The following FLI1 variants were observed in gnomAD, a reference collection of about 807,000 sequenced individuals.
FLI1 encodes the protein Friend leukemia integration 1 transcription factor.
A neutral mutation model predicts 53.1 loss-of-function variants in FLI1; 13 were observed. The observed-to-expected ratio is 0.24, with a 90% CI of 0.16 to 0.39. FLI1 has a LOEUF of 0.39. FLI1 is among the 10% of genes least tolerant of loss of function. FLI1 has a pLI of 1.00. For missense variants in FLI1, 424 were observed against 600.5 expected (o/e 0.71, Z 3.07); for synonymous variants, 244 against 236.7 (o/e 1.03, Z -0.28).
intron 1 of FLI1, among the ~76,000 whole-genome samples, chr11:128,741,629 T>A (rs1940143498): frequency 6.6e-6 from 1 of 152,204 alleles, no homozygotes; most frequent in South Asian, 2.1e-4. Flanking sequence ...TGCTGTGTGA[T>A]CTGCAGAGGA....
intron 1 of FLI1, among the ~76,000 whole-genome samples, chr11:128,714,849 C>T (rs567409551): frequency 0.012 from 1,876 of 151,720 alleles, 40 homozygotes; most frequent in African/African-American, 0.043. Flanking sequence ...GCTTGGACTA[C>T]AGGCACGCAC....
At chr11:128,762,232 A>C (rs1941149088) in intron 2 of FLI1, among the ~76,000 whole-genome samples, 1 of 152,242 alleles carries the variant, frequency 6.6e-6, no homozygotes, top group Non-Finnish European at 1.5e-5. Flanking sequence ...TGATAATGAC[A>C]GTTCGTTACT....
rs1166176445 is a variant in FLI1, at chr11:128,705,359, A to G, written c.18+11083A>G. On this transcript the variant is annotated intron_variant, in intron 1 of 8. Transcript: ENST00000527786. Reference sequence around the variant, plus strand: ...GGTTCTCTTTTTACATAATGATCCAATGAGTTGATTTTTAAATGTTTTATA... The same window carrying G: ...GGTTCTCTTTTTACATAATGATCCAGTGAGTTGATTTTTAAATGTTTTATA... 2.0e-5 allele frequency among the ~76,000 whole-genome samples: 3 copies of G among 152,250 alleles called. No homozygotes were observed. In the East Asian group the frequency reaches 5.8e-4, roughly 29 times the overall value.
chr11:128,795,364 C>A (rs1193996483), intron 5 of FLI1, among the ~76,000 whole-genome samples: 4 of 152,102 alleles, frequency 2.6e-5, no homozygotes, highest in Non-Finnish European at 5.9e-5. Context: ...TTTCTCCTGG[C>A]TCTTTTCTTC....
In FLI1 at chr11:128,812,768, C is replaced by G. The variant is rs1280606431; in HGVS notation, c.*1780C>G. The G allele has an allele frequency of 4.6e-6, 1 of 215,334 alleles. No homozygotes were observed. Among genetic ancestry groups the G allele is most frequent in the East Asian group, 6.9e-5 (1 of 14,452 alleles). 13.3% of individuals were successfully genotyped at this position (215,334 alleles called of 1,614,324 possible). A position where few individuals can be genotyped will look rare whatever the true frequency, so the allele number is the denominator to read the frequency against. ...GGGCACTTCAGACCCAGACGGCCACCTTCTGCCACTCCAGCAAAGAATAAG... is the reference window on the plus strand; with the variant it reads ...GGGCACTTCAGACCCAGACGGCCACGTTCTGCCACTCCAGCAAAGAATAAG... On this transcript the variant is annotated 3_prime_UTR_variant, in exon 9 of 9. Transcript: ENST00000527786.
intron 1 of FLI1, among the ~76,000 whole-genome samples, chr11:128,749,779 A>G (rs1206589576): frequency 6.6e-6 from 1 of 152,234 alleles, no homozygotes; most frequent in African/African-American, 2.4e-5. Flanking sequence ...ACTTTCCATA[A>G]AATTTACCTC....
intron 5 of FLI1, among the ~76,000 whole-genome samples, chr11:128,799,043 A>ATTTTTTTTTTT (rs1186555006): frequency 1.6e-5 from 2 of 128,670 alleles, no homozygotes; most frequent in African/African-American, 5.9e-5. Flanking sequence ...TATTATTATT[A>ATTTTTTTTTTT]TTATTATTAT....
chr11:128,715,204 A>C (rs1193896762), intron 1 of FLI1, among the ~76,000 whole-genome samples: 2 of 152,218 alleles, frequency 1.3e-5, no homozygotes, highest in Non-Finnish European at 2.9e-5. Context: ...TTTCAGAATA[A>C]GAGCTCAGGG....
chr11:128,780,572 G>T (rs1276569425), intron 4 of FLI1, among the ~76,000 whole-genome samples: 1 of 152,014 alleles, frequency 6.6e-6, no homozygotes, highest in African/African-American at 2.4e-5. Context: ...TCCAGCCTGG[G>T]CAACAAGAGC....
intron 1 of FLI1, among the ~76,000 whole-genome samples, chr11:128,748,710 C>T (rs571092045): frequency 9.2e-5 from 14 of 152,016 alleles, no homozygotes; most frequent in Middle Eastern, 3.4e-3. Context: ...CTGTGTGCTA[C>T]GGCCTAAAAT....
At chr11:128,749,864 G>C (rs1187319010) in intron 1 of FLI1, among the ~76,000 whole-genome samples, 4 of 152,294 alleles carry the variant, frequency 2.6e-5, no homozygotes, top group Admixed American at 2.0e-4. Flanking sequence ...AGAGAGGAGA[G>C]AGAAGCAAAA....
At chr11:128,711,222 G>A (rs946420577) in intron 1 of FLI1, among the ~76,000 whole-genome samples, 3 of 152,154 alleles carry the variant, frequency 2.0e-5, no homozygotes, top group Non-Finnish European at 4.4e-5. Context: ...ACCATAGTGG[G>A]CAGTACAAGA....
rs750968869 is a variant in FLI1 at position 128,758,304 on chromosome 11, T to C, written c.208T>C (p.Tyr70His). Residue 70 changes from tyrosine (Y) to histidine (H), a missense_variant, in exon 2 of 9, where the codon TAT becomes CAT. Around this residue, in one of 5 missense-constraint regions of FLI1, gnomAD observed 137 missense variants for 169.1 expected, o/e 0.81. Transcript: ENST00000527786. ...QPVRVNVKRE[Y>H]DHMNGSRESP... ...AGTGAGGGTCAACGTCAAGCGGGAG[T>C]ATGACCACATGAATGGATCCAGGTA... 6.2e-7 allele frequency: 1 copy of C among 1,612,974 alleles called. No individual in the cohort carries two copies. The highest frequency in any genetic ancestry group is 1.1e-5 in the South Asian group (1 of 90,840).
rs1231534313 is a variant in FLI1, at chr11:128,737,926, G to A, written c.19-20189G>A. On this transcript the variant is annotated intron_variant, in intron 1 of 8. Transcript: ENST00000527786. ...TGTGGAAATAGCCTGTTATCTCTAT[G>A]GACTTAAATGGTCATCAGCAGTTCC... Among the ~76,000 whole-genome samples the A allele has an allele frequency of 1.1e-4, 17 of 152,196 alleles. No individual in the cohort carries two copies. In the East Asian group the frequency reaches 3.1e-3, roughly 28 times the overall value.
intron 1 of FLI1, among the ~76,000 whole-genome samples, chr11:128,739,730 G>GA (rs148798146): frequency 0.015 from 2,248 of 150,136 alleles, 59 homozygotes; most frequent in African/African-American, 0.052. Context: ...ATTTTACTTC[G>GA]AAAAAAAAAT....
intron 5 of FLI1, among the ~76,000 whole-genome samples, chr11:128,796,953 G>T (rs890158597): frequency 6.6e-6 from 1 of 152,144 alleles, no homozygotes; most frequent in Non-Finnish European, 1.5e-5. Flanking sequence ...CCAGCCTGGG[G>T]GACAAGAGCA....
chr11:128,702,388 A>T (rs187632040), intron 1 of FLI1, among the ~76,000 whole-genome samples: 16 of 152,362 alleles, frequency 1.1e-4, no homozygotes, highest in African/African-American at 3.6e-4. Context: ...TTTGTGGCTT[A>T]TAATCATAAG....
Position 128,782,022 on chromosome 11 carries a change from AGGT to A in FLI1, c.655_655+2del. 1 of 1,613,328 alleles carries A rather than the reference AGGT, an allele frequency of 6.2e-7. No individual in the cohort carries two copies. Among genetic ancestry groups the A allele is most frequent in the Non-Finnish European group, 8.5e-7 (1 of 1,179,284 alleles). On this transcript the variant is annotated splice_donor_variant and coding_sequence_variant, in exon 5 of 9. Coordinates refer to ENST00000527786, the MANE Select transcript of FLI1 (RefSeq NM_002017.5). LOFTEE classifies it high-confidence loss of function. Reference sequence around the variant, plus strand: ...AATCCTCACGATTGAGTGTCAAAGAAGGTAAGTTTGTTCTTTTGTGCACTTAAA... The same window carrying A: ...AATCCTCACGATTGAGTGTCAAAGAAAAGTTTGTTCTTTTGTGCACTTAAA...
chr11:128,768,405 G>A (rs1277325449), intron 3 of FLI1, 133 bp downstream of exon 3: 3 of 1,121,314 alleles, frequency 2.7e-6, no homozygotes, highest in Non-Finnish European at 3.9e-6. Flanking sequence ...ACGCCAGCCG[G>A]GAGTGGTGGC....
Sources: allele counts gnomAD v4.1 joint callset (sites outside exome capture counted in the v4.1 genomes callset), GRCh38; gene constraint gnomAD v4.1.1; regional missense constraint gnomAD v4.1.1; transcripts MANE v1.5; gene names NCBI Gene and HGNC (gene_info 2026-07-23, HGNC 2026-07-21).